ZNF207: variants seen among roughly 807,000 people sequenced by gnomAD.
ZNF207 encodes the protein zinc finger protein 207.
In ZNF207, 24 loss-of-function variants were observed where a neutral mutation model predicts 60.2. The ratio of observed to expected loss-of-function variants is 0.40; its 90% CI spans 0.29 to 0.56. The LOEUF is 0.56. Among genes scored for constraint, ZNF207 ranks in the 20% least tolerant of loss-of-function variants. The pLI, the probability that ZNF207 is intolerant of heterozygous loss-of-function variation, is 0.49. For synonymous variants in ZNF207, 236 were observed against 194.7 expected, an observed-to-expected ratio of 1.21 and a Z score of -1.77; for missense variants, 452 against 636.6, an observed-to-expected ratio of 0.71 and a Z score of 3.12.
chr17:32,369,085 G>A (rs1905341664), intron 10 of ZNF207: 1 of 507,444 alleles, frequency 2.0e-6, no homozygotes, highest in South Asian at 3.4e-5. Context: ...AAAGTTGTTA[G>A]CCATGCTTCA....
At chr17:32,351,570 T>C in intron 1 of ZNF207, 2 of 1,533,334 alleles carry the variant, frequency 1.3e-6, no homozygotes, top group South Asian at 1.2e-5. Flanking sequence ...GATGTGTTTT[T>C]TGGGGTGGTG....
rs921055178 is a variant in ZNF207, at chr17:32,350,236, T to C, written c.-50T>C. The C allele has an allele frequency of 1.2e-6, 2 of 1,613,242 alleles. No individual in the cohort carries two copies. The highest frequency in any genetic ancestry group is 1.7e-6 in the Non-Finnish European group (2 of 1,179,418). On this transcript the variant is annotated 5_prime_UTR_variant, in exon 1 of 12. Transcript: ENST00000394670. ...GAAAGTGAGGGATTTTTGGCCTCGTTTCTCCTGCTTCTTTTCTCCTCCCTT... is the reference window on the plus strand; with the variant it reads ...GAAAGTGAGGGATTTTTGGCCTCGTCTCTCCTGCTTCTTTTCTCCTCCCTT...
intron 4 of ZNF207, 58 bp from the exon 5 acceptor site, chr17:32,360,834 T>G: frequency 6.2e-7 from 1 of 1,612,562 alleles, no homozygotes; most frequent in African/African-American, 1.3e-5. Flanking sequence ...AAGTATTACT[T>G]TCTTCCCTCT....
intron 10 of ZNF207, 133 bp downstream of exon 10, chr17:32,368,147 C>A: frequency 7.8e-7 from 1 of 1,283,430 alleles, no homozygotes; most frequent in Non-Finnish European, 1.1e-6. Context: ...GTGGTTTTTG[C>A]CATTCTGATT....
At chr17:32,361,140 G>A (rs1021652860) in intron 5 of ZNF207, 173 bp downstream of exon 5, 1 of 731,850 alleles carries the variant, frequency 1.4e-6, no homozygotes, top group Non-Finnish European at 2.2e-6. Flanking sequence ...ATATAAATTT[G>A]CCTCTGAGTA....
rs906983490 is a variant in ZNF207 at position 32,375,898 on chromosome 17, A to G, written c.*6139A>G. On this transcript the variant is annotated 3_prime_UTR_variant, in exon 12 of 12. Transcript: ENST00000394670. ...ATTTTTATAAGTAAACATTCCCCCAATTCCACTTATGCTAACTGTCTCATG... is the reference window on the plus strand; with the variant it reads ...ATTTTTATAAGTAAACATTCCCCCAGTTCCACTTATGCTAACTGTCTCATG... 2.6e-5 allele frequency: 4 copies of G among 152,186 alleles called. No individual in the cohort carries two copies. The highest frequency in any genetic ancestry group is 1.9e-4 in the East Asian group (1 of 5,192). The allele number at this position is 152,186 out of a possible 1,614,324, so 9.4% of individuals were successfully genotyped here. A position where few individuals can be genotyped will look rare whatever the true frequency, so the allele number is the denominator to read the frequency against.
intron 6 of ZNF207, among the ~76,000 whole-genome samples, chr17:32,362,064 G>A (rs1360349236): frequency 6.6e-6 from 1 of 151,978 alleles, no homozygotes; most frequent in South Asian, 2.1e-4. Flanking sequence ...TTGTAAATAG[G>A]CCATCTGGTT....
In ZNF207 at chr17:32,370,463, A is replaced by G. The variant is rs1016846419; in HGVS notation, c.*704A>G. The G allele has an allele frequency of 3.9e-5, 6 of 152,422 alleles. No individual in the cohort carries two copies. Among genetic ancestry groups the G allele is most frequent in the African/African-American group, 1.4e-4 (6 of 41,454 alleles). 9.4% of individuals were successfully genotyped at this position (152,422 alleles called of 1,614,324 possible). ...GTTACCAATGCAGTTTTGATATATC[A>G]TTGGATTCTGTCTTTGAGTTGTAGG... On this transcript the variant is annotated 3_prime_UTR_variant, in exon 12 of 12. Coordinates refer to ENST00000394670, the MANE Select transcript of ZNF207 (RefSeq NM_001098507.2).
At chr17:32,364,663 C>T (rs1905081046) in intron 7 of ZNF207, among the ~76,000 whole-genome samples, 1 of 152,112 alleles carries the variant, frequency 6.6e-6, no homozygotes, top group African/African-American at 2.4e-5. Context: ...CGGCCCTAGC[C>T]TGCGTTTTAT....
At chr17:32,351,496 C>A (rs973432606) in intron 1 of ZNF207, 3 of 1,484,070 alleles carry the variant, frequency 2.0e-6, no homozygotes, top group Admixed American at 2.3e-5. Context: ...ATATTTATAA[C>A]AAAAGTTTCA....
chr17:32,360,595 C>A lies in ZNF207; in HGVS notation c.308-3C>A, dbSNP rs750379208. ...TATGGAAATAATTTTTTTTTTTTAA[C>A]AGAAAGTCAAAAAAAGAAGCAACAA... On this transcript the variant is annotated splice_region_variant and splice_polypyrimidine_tract_variant and intron_variant, in intron 3 of 11. Transcript: ENST00000394670. 1.3e-6 allele frequency: 2 copies of A among 1,568,586 alleles called. No homozygotes were observed. Among genetic ancestry groups the A allele is most frequent in the South Asian group, 1.2e-5 (1 of 83,216 alleles).
rs1207919994 is a variant in ZNF207 at position 32,379,088 on chromosome 17, T to C, written c.*9329T>C. 6.6e-6 allele frequency: 1 copy of C among 152,142 alleles called. No homozygotes were observed. The allele number at this position is 152,142 out of a possible 1,614,324, so 9.4% of individuals were successfully genotyped here. On this transcript the variant is annotated 3_prime_UTR_variant, in exon 12 of 12. Transcript: ENST00000394670. Reference sequence around the variant, plus strand: ...TCTTACAAGATAACCACTTGTTTTTTAATGTAAAATTGCACAAGGGCTTAA... The same window carrying C: ...TCTTACAAGATAACCACTTGTTTTTCAATGTAAAATTGCACAAGGGCTTAA...
At chr17:32,351,431 G>C in intron 1 of ZNF207, 2 of 1,327,682 alleles carry the variant, frequency 1.5e-6, no homozygotes, top group Non-Finnish European at 1.9e-6. Context: ...CAGAACCTTA[G>C]GGATTTCTTA....
chr17:32,355,260 C>G (rs1020244782), intron 2 of ZNF207, among the ~76,000 whole-genome samples: 1 of 152,092 alleles, frequency 6.6e-6, no homozygotes, highest in Non-Finnish European at 1.5e-5. Flanking sequence ...CATGGTGGCA[C>G]GTGCCTGTGT....
At chr17:32,354,965 C>G (rs896918890) in intron 2 of ZNF207, among the ~76,000 whole-genome samples, 2 of 152,118 alleles carry the variant, frequency 1.3e-5, no homozygotes, top group African/African-American at 2.4e-5. Context: ...AAGTAAAGTG[C>G]AGAGTACGGT....
chr17:32,367,259 A>ATATATATATG (rs1555608358), intron 9 of ZNF207, among the ~76,000 whole-genome samples: 1 of 109,876 alleles, frequency 9.1e-6, no homozygotes, highest in Admixed American at 8.8e-5. Flanking sequence ...ATATATATAT[A>ATATATATATG]TATATATATA....
At chr17:32,354,690 C>G (rs749048342) in intron 2 of ZNF207, among the ~76,000 whole-genome samples, 1 of 151,894 alleles carries the variant, frequency 6.6e-6, no homozygotes, top group Admixed American at 6.6e-5. Context: ...CTCGGCTCAC[C>G]GCAGCCTCTG....
rs1011135553 is a variant in ZNF207, at chr17:32,371,252, G to C, written c.*1493G>C. On this transcript the variant is annotated 3_prime_UTR_variant, in exon 12 of 12. Transcript: ENST00000394670. ...ATAAAGTTAAGACTTCTAAGAAAAT[G>C]GTAACATTTCTTTATAACTTTCCTG... is the stretch of plus-strand genomic sequence containing the variant. 2.0e-5 allele frequency: 3 copies of C among 152,086 alleles called. No individual in the cohort carries two copies. The highest frequency in any genetic ancestry group is 2.0e-4 in the Admixed American group (3 of 15,258). 9.4% of individuals were successfully genotyped at this position (152,086 alleles called of 1,614,324 possible).
rs1183717558 is a variant in ZNF207, at chr17:32,376,421, T to C, written c.*6662T>C. 6.6e-6 allele frequency: 1 copy of C among 152,112 alleles called. No individual in the cohort carries two copies. Among genetic ancestry groups the C allele is most frequent in the Non-Finnish European group, 1.5e-5 (1 of 67,934 alleles). 9.4% of individuals were successfully genotyped at this position (152,112 alleles called of 1,614,324 possible). Reference sequence around the variant, plus strand: ...TATACATTTTTGCATAATATTTTAGTCTTGAAAAGCTTTTCATTTTCTTAA... The same window carrying C: ...TATACATTTTTGCATAATATTTTAGCCTTGAAAAGCTTTTCATTTTCTTAA... On this transcript the variant is annotated 3_prime_UTR_variant, in exon 12 of 12. Transcript: ENST00000394670.
Sources: gnomAD v4.1 joint callset for allele counts (sites outside exome capture counted in the v4.1 genomes callset) on GRCh38, gnomAD v4.1.1 for gene constraint, MANE v1.5 for transcripts, NCBI Gene and HGNC (gene_info 2026-07-23, HGNC 2026-07-21) for gene names.